Variants in PRDM10 observed in about 807,000 individuals in gnomAD.
The protein encoded by PRDM10 is PR domain zinc finger protein 10.
Under a neutral mutation model 133.1 loss-of-function variants are expected in PRDM10, and 65 were observed. That is an observed-to-expected ratio of 0.49 (90% confidence interval 0.40 to 0.60). The LOEUF (loss-of-function observed/expected upper bound fraction) is 0.60. PRDM10 is among the 20% of genes least tolerant of loss of function. PRDM10 has a pLI of 0.00. For synonymous variants in PRDM10, 582 were observed against 580.4 expected (o/e 1.00, Z -0.04); for missense variants, 1,137 against 1,507.1 (o/e 0.75, Z 4.07).
chr11:129,980,449 CT>C (rs1938042589), intron 1 of PRDM10, among the ~76,000 whole-genome samples: 1 of 152,172 alleles, frequency 6.6e-6, no homozygotes, highest in African/African-American at 2.4e-5. Context: ...ATGCTCACTC[CT>C]TTTGAGAATC....
At chr11:129,913,129 G>A (rs1950242168) in intron 17 of PRDM10, among the ~76,000 whole-genome samples, 2 of 145,394 alleles carry the variant, frequency 1.4e-5, no homozygotes, top group African/African-American at 5.1e-5. Flanking sequence ...GAGGTGGGAG[G>A]AATATCTGAG....
chr11:129,975,764 C>T (rs1176272291), intron 1 of PRDM10, among the ~76,000 whole-genome samples: 2 of 152,168 alleles, frequency 1.3e-5, no homozygotes, highest in African/African-American at 2.4e-5. Context: ...TCCAACCCAC[C>T]GCCCTCGAAG....
At chr11:129,933,639 C>T (rs965056479) in intron 9 of PRDM10, among the ~76,000 whole-genome samples, 1 of 152,132 alleles carries the variant, frequency 6.6e-6, no homozygotes, top group African/African-American at 2.4e-5. Context: ...GGGCTAGGCA[C>T]TAAGGACATC....
rs79337742 is a variant in PRDM10 at position 129,970,513 on chromosome 11, C to T, written c.-118-9431G>A. On this transcript the variant is annotated intron_variant, in intron 1 of 20. Coordinates refer to ENST00000360871, the MANE Select transcript of PRDM10 (RefSeq NM_199437.2). ...ATGATGATTCCAGTATAAATGACTC[C>T]ACTAATGAACCATGTAACAATCATA... 8.1e-3 allele frequency among the ~76,000 whole-genome samples: 1,226 copies of T among 152,094 alleles called. 17 individuals carry two copies. The highest frequency in any genetic ancestry group is 0.028 in the African/African-American group (1,153 of 41,484).
intron 1 of PRDM10, among the ~76,000 whole-genome samples, chr11:129,969,592 G>A (rs879415022): frequency 6.0e-5 from 9 of 150,002 alleles, no homozygotes; most frequent in African/African-American, 1.5e-4. Context: ...AGAGTAGTTC[G>A]AGACCAGCCT....
At position 129,947,318 on chromosome 11, in the gene PRDM10, C is replaced by T; in HGVS notation, c.347G>A (p.Gly116Glu). The T allele has an allele frequency of 6.2e-7, 1 of 1,613,420 alleles. No individual in the cohort carries two copies. The highest frequency in any genetic ancestry group is 8.5e-7 in the Non-Finnish European group (1 of 1,179,794). Residue 116 changes from glycine (G) to glutamate (E), a missense_variant, in exon 5 of 21, where the codon GGG becomes GAG. Physicochemically the swap from Gly to Glu is moderately conservative, Grantham distance 98. This residue lies in a region of PRDM10 where 635 missense variants were observed against 835.2 expected (regional missense o/e 0.76). Coordinates refer to ENST00000360871, the MANE Select transcript of PRDM10 (RefSeq NM_199437.2). The surrounding 1 kb of genome is among the most constrained non-coding windows in gnomAD (Gnocchi z 4.6). ...CTGCAGAGTTGCCAAAGGGTCGGAC[C>T]CATCTACACTCTCGATGGAAGGCAG... ...QVLPSIESVD[G>E]SDPLATLQTP...
intron 18 of PRDM10, among the ~76,000 whole-genome samples, chr11:129,911,229 G>A (rs113596358): frequency 1.3e-5 from 2 of 152,150 alleles, no homozygotes; most frequent in African/African-American, 4.8e-5. Flanking sequence ...ATAAATGAAA[G>A]AAAATATAAT....
At chr11:129,990,525 A>G (rs1198962400) in intron 1 of PRDM10, among the ~76,000 whole-genome samples, 2 of 122,404 alleles carry the variant, frequency 1.6e-5, no homozygotes, top group African/African-American at 7.6e-5. Context: ...TTGTCTCCAA[A>G]AAAAAAAAAA....
intron 11 of PRDM10, among the ~76,000 whole-genome samples, chr11:129,927,974 C>G (rs554046901): frequency 1.1e-3 from 163 of 152,294 alleles, no homozygotes; most frequent in African/African-American, 3.7e-3. Context: ...ACATATATAT[C>G]AGCTACTCTA....
intron 9 of PRDM10, 136 bp downstream of exon 9, chr11:129,934,965 C>T (rs1474823166): frequency 1.6e-5 from 10 of 644,708 alleles, no homozygotes; most frequent in Non-Finnish European, 2.5e-5. Flanking sequence ...TGACAGGTAA[C>T]ACCGTTCCCT....
chr11:129,965,048 G>A (rs373279799), intron 1 of PRDM10, among the ~76,000 whole-genome samples: 51 of 152,344 alleles, frequency 3.3e-4, no homozygotes, highest in African/African-American at 1.2e-3. Context: ...GCTCACGCCT[G>A]TAATCCCAGC....
At chr11:129,962,098 T>A (rs1359273733) in intron 1 of PRDM10, among the ~76,000 whole-genome samples, 1 of 152,212 alleles carries the variant, frequency 6.6e-6, no homozygotes, top group Non-Finnish European at 1.5e-5. Context: ...TTTTCTCACA[T>A]GGTCAGTGTT....
intron 11 of PRDM10, among the ~76,000 whole-genome samples, chr11:129,928,890 A>C (rs1306632693): frequency 4.6e-5 from 7 of 152,296 alleles, no homozygotes; most frequent in South Asian, 4.1e-4. Flanking sequence ...TCCTATGGCT[A>C]TCATTCTCTG....
intron 1 of PRDM10, among the ~76,000 whole-genome samples, chr11:129,974,989 C>G (rs1384650679): frequency 1.3e-5 from 2 of 152,120 alleles, no homozygotes; most frequent in East Asian, 3.9e-4. Flanking sequence ...AGAGACAGAA[C>G]GTAGAACAGT....
At position 129,957,195 on chromosome 11, in the gene PRDM10, T is replaced by C. The variant is rs1415657430; in HGVS notation, c.234+551A>G. ...GTTCTTGATACTTAGGAATAATAAA[T>C]TCATAACCTAGTCAACTGTAGAGAA... On this transcript the variant is annotated intron_variant, in intron 3 of 20. Coordinates refer to ENST00000360871, the MANE Select transcript of PRDM10 (RefSeq NM_199437.2). Among the ~76,000 whole-genome samples the C allele has an allele frequency of 2.0e-5, 3 of 152,220 alleles. No individual in the cohort carries two copies. The East Asian group carries it at 5.8e-4, about 29-fold the overall frequency.
At chr11:129,969,737 G>T (rs1951979586) in intron 1 of PRDM10, among the ~76,000 whole-genome samples, 1 of 152,120 alleles carries the variant, frequency 6.6e-6, no homozygotes, top group Admixed American at 6.6e-5. Flanking sequence ...AACCCGGAAG[G>T]CAGAGGTTGC....
At chr11:129,909,110 G>C (rs2135721849) in intron 19 of PRDM10, among the ~76,000 whole-genome samples, 1 of 152,212 alleles carries the variant, frequency 6.6e-6, no homozygotes, top group South Asian at 2.1e-4. Flanking sequence ...GAGAGTCCCT[G>C]ACTGGAAACT....
At chr11:129,931,733 A>T (rs908059760) in intron 10 of PRDM10, among the ~76,000 whole-genome samples, 13 of 151,224 alleles carry the variant, frequency 8.6e-5, no homozygotes, top group Admixed American at 1.3e-4. Context: ...CACCCAGCTA[A>T]TTTTTTTTGT....
intron 1 of PRDM10, among the ~76,000 whole-genome samples, chr11:129,974,453 G>A (rs964308545): frequency 1.3e-5 from 2 of 152,140 alleles, no homozygotes; most frequent in African/African-American, 4.8e-5. Flanking sequence ...GTGGGGAAGA[G>A]TCTAAGAAAG....
Sources: allele counts gnomAD v4.1 joint callset (sites outside exome capture counted in the v4.1 genomes callset), GRCh38; gene constraint gnomAD v4.1.1; regional missense constraint gnomAD v4.1.1; non-coding constraint Gnocchi (gnomAD v3.1); transcripts MANE v1.5; gene names NCBI Gene and HGNC (gene_info 2026-07-23, HGNC 2026-07-21).